The following PVT1 variants were observed in gnomAD, a reference collection of about 807,000 sequenced individuals.
PVT1 encodes CXCR4/PVT1 fusion.
chr8:127,853,137 C>T (rs1815122722), intron 2 of PVT1, among the ~76,000 whole-genome samples: 1 of 152,210 alleles, frequency 6.6e-6, no homozygotes, highest in Non-Finnish European at 1.5e-5. Context: ...CAGGCCAGGG[C>T]TTCAAGTGAG....
At chr8:127,887,201 G>T (rs576418548) in intron 2 of PVT1, among the ~76,000 whole-genome samples, 1 of 152,064 alleles carries the variant, frequency 6.6e-6, no homozygotes, top group Non-Finnish European at 1.5e-5. Context: ...GTGTTGCCTT[G>T]ATCTCTGTCC....
intron 3 of PVT1, among the ~76,000 whole-genome samples, chr8:127,919,929 G>A (rs528632399): frequency 3.9e-5 from 6 of 152,302 alleles, no homozygotes; most frequent in Non-Finnish European, 7.3e-5. Context: ...TTTCTGGCCA[G>A]TCACTGAACA....
chr8:127,984,865 CTT>C (rs1226503459), intron 3 of PVT1, among the ~76,000 whole-genome samples: 47 of 66,802 alleles, frequency 7.0e-4, no homozygotes, highest in South Asian at 2.8e-3. Flanking sequence ...TTCTTTCTTT[CTT>C]TCTTTCTTTC....
At chr8:127,990,520 A>C (rs1817020556) in intron 4 of PVT1, among the ~76,000 whole-genome samples, 1 of 152,218 alleles carries the variant, frequency 6.6e-6, no homozygotes, top group Non-Finnish European at 1.5e-5. Context: ...GGAAAGAATA[A>C]ATGACATGAT....
intron 2 of PVT1, among the ~76,000 whole-genome samples, chr8:127,838,313 A>G (rs1814931364): frequency 6.6e-6 from 1 of 152,200 alleles, no homozygotes; most frequent in Admixed American, 6.6e-5. Context: ...AAGGCTATGG[A>G]CAGATACTGG....
intron 4 of PVT1, among the ~76,000 whole-genome samples, chr8:128,018,610 G>A (rs1456674355): frequency 2.0e-5 from 3 of 152,222 alleles, no homozygotes; most frequent in Non-Finnish European, 4.4e-5. Flanking sequence ...GTAAATGTCA[G>A]GGTCAAACAG....
At chr8:127,979,817 C>A (rs1816863134) in intron 3 of PVT1, among the ~76,000 whole-genome samples, 1 of 149,804 alleles carries the variant, frequency 6.7e-6, no homozygotes, top group African/African-American at 2.4e-5. Context: ...CATCTGCCAG[C>A]ACTTTAGTAA....
At chr8:127,865,541 C>T (rs1222500383) in intron 2 of PVT1, among the ~76,000 whole-genome samples, 6 of 152,012 alleles carry the variant, frequency 3.9e-5, no homozygotes, top group African/African-American at 1.4e-4. Flanking sequence ...TGTGAGGTGA[C>T]AAGTAACATT....
intron 2 of PVT1, among the ~76,000 whole-genome samples, chr8:127,850,906 C>G (rs1478382979): frequency 1.3e-5 from 2 of 151,552 alleles, no homozygotes; most frequent in African/African-American, 4.9e-5. Context: ...ACTGGGGAGG[C>G]TGAGGCAGGA....
At chr8:128,055,443 T>G (rs1440148005) in intron 4 of PVT1, among the ~76,000 whole-genome samples, 1 of 152,186 alleles carries the variant, frequency 6.6e-6, no homozygotes, top group Non-Finnish European at 1.5e-5. Flanking sequence ...CAATAAACAC[T>G]AAACAAGACA....
At chr8:128,007,470 T>C (rs1400536946) in intron 4 of PVT1, among the ~76,000 whole-genome samples, 1 of 151,890 alleles carries the variant, frequency 6.6e-6, no homozygotes, top group Non-Finnish European at 1.5e-5. Context: ...TAGATTTATA[T>C]GTACTAATAT....
At chr8:127,978,478 A>ATTG (rs1816846883) in intron 3 of PVT1, among the ~76,000 whole-genome samples, 1 of 149,622 alleles carries the variant, frequency 6.7e-6, no homozygotes, top group Non-Finnish European at 1.5e-5. Flanking sequence ...GTTTATTATT[A>ATTG]TTATTTATTA....
At chr8:128,044,962 A>G (rs951396807) in intron 4 of PVT1, among the ~76,000 whole-genome samples, 3 of 152,226 alleles carry the variant, frequency 2.0e-5, no homozygotes, top group African/African-American at 4.8e-5. Context: ...AGGTACATGA[A>G]TGAGTAAGTA....
chr8:127,958,460 G>A (rs972108343), intron 3 of PVT1, among the ~76,000 whole-genome samples: 4 of 152,118 alleles, frequency 2.6e-5, no homozygotes, highest in Admixed American at 6.5e-5. Context: ...GGCTGGTCTC[G>A]AACTCCTGAG....
At chr8:127,977,464 G>T (rs991611618) in intron 3 of PVT1, among the ~76,000 whole-genome samples, 3 of 152,188 alleles carry the variant, frequency 2.0e-5, no homozygotes, top group Admixed American at 6.5e-5. Context: ...GGGCATGGTG[G>T]TTCACACCTG....
chr8:127,945,573 G>A (rs1030650929), intron 3 of PVT1, among the ~76,000 whole-genome samples: 1 of 152,210 alleles, frequency 6.6e-6, no homozygotes, highest in Admixed American at 6.5e-5. Flanking sequence ...TCCAAAGGCA[G>A]CATGAATCCT....
intron 2 of PVT1, among the ~76,000 whole-genome samples, chr8:127,865,741 G>A (rs1815279902): frequency 6.6e-6 from 1 of 152,208 alleles, no homozygotes; most frequent in African/African-American, 2.4e-5. Context: ...GTGGATTTAA[G>A]CCTCTGAGTT....
chr8:127,868,172 C>T (rs983651765), intron 2 of PVT1, among the ~76,000 whole-genome samples: 1 of 152,094 alleles, frequency 6.6e-6, no homozygotes, highest in African/African-American at 2.4e-5. Context: ...AGCAGTTCTG[C>T]GAGGTGGTGG....
chr8:127,880,944 G>A (rs572868732), intron 2 of PVT1, among the ~76,000 whole-genome samples: 4 of 152,334 alleles, frequency 2.6e-5, no homozygotes, highest in Admixed American at 6.5e-5. Context: ...GCACTGTGCC[G>A]GACACGCATG....
Sources: gnomAD v4.1 joint callset for allele counts (sites outside exome capture counted in the v4.1 genomes callset) on GRCh38, gnomAD v4.1.1 for gene constraint, MANE v1.5 for transcripts, NCBI Gene and HGNC (gene_info 2026-07-23, HGNC 2026-07-21) for gene names.